The following PAK1IP1 variants were observed in gnomAD, a reference collection of about 807,000 sequenced individuals.
The protein encoded by PAK1IP1 is p21-activated protein kinase-interacting protein 1.
Under a neutral mutation model 42.0 loss-of-function variants are expected in PAK1IP1, and 24 were observed. That is an observed-to-expected ratio of 0.57 (90% CI 0.41 to 0.80). The LOEUF is 0.80. Ranked by LOEUF, PAK1IP1 falls within the 30% of genes least tolerant of loss-of-function variation. The pLI is 0.00. For synonymous variants in PAK1IP1, 154 were observed against 156.7 expected (o/e 0.98, Z 0.13); for missense variants, 411 against 467.9 (o/e 0.88, Z 1.12).
chr6:10,708,154 G>A (rs941437132), intron 8 of PAK1IP1, among the ~76,000 whole-genome samples: 1 of 148,982 alleles, frequency 6.7e-6, no homozygotes, highest in African/African-American at 2.5e-5. Context: ...ACACCAAAGA[G>A]AAGCTCCATA....
intron 7 of PAK1IP1, among the ~76,000 whole-genome samples, chr6:10,707,011 G>GT (rs1216315212): frequency 3.9e-5 from 6 of 152,194 alleles, no homozygotes; most frequent in African/African-American, 1.4e-4. Flanking sequence ...TAGACTAACA[G>GT]TGGTGGGACT....
chr6:10,695,512 T>G (rs985763502), intron 1 of PAK1IP1, among the ~76,000 whole-genome samples: 1 of 152,236 alleles, frequency 6.6e-6, no homozygotes, highest in Non-Finnish European at 1.5e-5. Context: ...TGGGAACTTA[T>G]GGCGAGCTGG....
At chr6:10,703,276 G>T in intron 4 of PAK1IP1, 129 bp from the exon 5 acceptor site, 1 of 641,322 alleles carries the variant, frequency 1.6e-6, no homozygotes, top group South Asian at 2.0e-5. Context: ...TTGCTGTAAG[G>T]AAGATAGCAG....
At chr6:10,694,746 C>T (rs1769723212), upstream of PAK1IP1, 2 of 427,716 alleles carry the variant, frequency 4.7e-6, no homozygotes, top group African/African-American at 4.1e-5. Flanking sequence ...TTTCTCCTTG[C>T]AGTGAGAACC....
chr6:10,705,414 G>A (rs1407863385), intron 7 of PAK1IP1, among the ~76,000 whole-genome samples: 1 of 152,176 alleles, frequency 6.6e-6, no homozygotes, highest in Non-Finnish European at 1.5e-5. Flanking sequence ...CTTGGAGCCT[G>A]AAATCAAGCA....
At chr6:10,694,614 G>GATC, upstream of PAK1IP1, 26 of 199,228 alleles carry the variant, frequency 1.3e-4, no homozygotes, top group South Asian at 4.4e-4. Context: ...CCGGCCGGAA[G>GATC]TCGGCCCCAC....
At position 10,707,520 on chromosome 6, in the gene PAK1IP1, T is replaced by A; in HGVS notation, c.840+6T>A. 1 of 1,510,342 alleles carries A rather than the reference T, an allele frequency of 6.6e-7. No individual in the cohort carries two copies. The highest frequency in any genetic ancestry group is 9.2e-7 in the Non-Finnish European group (1 of 1,085,272). 93.6% of individuals were successfully genotyped at this position (1,510,342 alleles called of 1,614,324 possible). A position where few individuals can be genotyped will look rare whatever the true frequency, so the allele number is the denominator to read the frequency against. ...GGAAGCTTAAGCAGGATAAGGTCAG[T>A]GCTTCAACACAATCTAAATGTACTT... On this transcript the variant is annotated splice_donor_region_variant and intron_variant, in intron 8 of 9. Coordinates refer to ENST00000379568, the MANE Select transcript of PAK1IP1 (RefSeq NM_017906.3).
chr6:10,700,077 G>C (rs1018143577), intron 2 of PAK1IP1, among the ~76,000 whole-genome samples: 6 of 151,660 alleles, frequency 4.0e-5, no homozygotes, highest in East Asian at 1.9e-4. Context: ...TGGCGGGGGC[G>C]GGGGGGCTTC....
Position 10,704,504 on chromosome 6 carries a change from C to G in PAK1IP1, c.497-3C>G. 6.5e-7 allele frequency: 1 copy of G among 1,542,260 alleles called. No individual in the cohort carries two copies. Among genetic ancestry groups the G allele is most frequent in the East Asian group, 2.3e-5 (1 of 44,204 alleles). On this transcript the variant is annotated splice_polypyrimidine_tract_variant and splice_region_variant and intron_variant, in intron 5 of 9. Transcript: ENST00000379568. ...AATAAACTTCGTTTTTTTCCACTTA[C>G]AGATGCTCACATAGTAGAATGGTCC...
chr6:10,702,846 G>T (rs796580679), intron 4 of PAK1IP1, among the ~76,000 whole-genome samples: 1 of 151,056 alleles, frequency 6.6e-6, no homozygotes, highest in African/African-American at 2.4e-5. Context: ...CTGCTCTGTC[G>T]CCCAGGCTGG....
upstream of PAK1IP1, among the ~76,000 whole-genome samples, chr6:10,690,950 C>A (rs968784093): frequency 1.3e-5 from 2 of 152,172 alleles, no homozygotes; most frequent in Non-Finnish European, 2.9e-5. Context: ...TGAAAATCCG[C>A]AATCTAAGAC....
At chr6:10,699,968 G>C (rs1046128676) in intron 2 of PAK1IP1, among the ~76,000 whole-genome samples, 1 of 152,064 alleles carries the variant, frequency 6.6e-6, no homozygotes, top group Non-Finnish European at 1.5e-5. Flanking sequence ...ATGGTAGAAG[G>C]GCAAAGCAGA....
At chr6:10,708,396 C>T (rs1248042087) in intron 8 of PAK1IP1, among the ~76,000 whole-genome samples, 1 of 151,966 alleles carries the variant, frequency 6.6e-6, no homozygotes, top group Non-Finnish European at 1.5e-5. Flanking sequence ...AATACTACGC[C>T]GTTGTGTGGA....
intron 7 of PAK1IP1, among the ~76,000 whole-genome samples, chr6:10,706,095 A>G (rs551411707): frequency 6.6e-6 from 1 of 152,312 alleles, no homozygotes; most frequent in South Asian, 2.1e-4. Flanking sequence ...AGGAGGCAAT[A>G]GATTATAAGC....
At chr6:10,705,649 G>C (rs1044909379) in intron 7 of PAK1IP1, among the ~76,000 whole-genome samples, 2 of 152,114 alleles carry the variant, frequency 1.3e-5, no homozygotes, top group African/African-American at 4.8e-5. Flanking sequence ...AAGTAGTTAA[G>C]TGGTTGGCCA....
chr6:10,709,593 TG>T lies in PAK1IP1; in HGVS notation c.*143del, dbSNP rs201686755. ...TATATATTAAAAAACCACTTTTAGA[TG>T]GTTTTTTTTAAAAAAAAAAAAAAAA... On this transcript the variant is annotated 3_prime_UTR_variant, in exon 10 of 10. Coordinates refer to ENST00000379568, the MANE Select transcript of PAK1IP1 (RefSeq NM_017906.3). 3,122 of 384,662 alleles carry T rather than the reference TG, an allele frequency of 8.1e-3. 51 individuals are homozygous for T. The highest frequency in any genetic ancestry group is 0.059 in the African/African-American group (1,868 of 31,628). The allele number at this position is 384,662 out of a possible 1,614,324, so 23.8% of individuals were successfully genotyped here. A position where few individuals can be genotyped will look rare whatever the true frequency, so the allele number is the denominator to read the frequency against.
At position 10,709,399 on chromosome 6, in the gene PAK1IP1, G is replaced by A. The variant is rs72821574; in HGVS notation, c.1126G>A (p.Val376Ile). ...GLISTKKRKMVEMLEKKRKKK... is the reference protein window; with the variant it reads ...GLISTKKRKMIEMLEKKRKKK... ...GATATCAACCAAGAAGAGGAAAATG[G>A]TAGAAATGTTGGAAAAGAAGAGGAA... Residue 376 changes from valine (V) to isoleucine (I), a missense_variant, in exon 10 of 10, where the codon GTA (valine) becomes ATA (isoleucine). Physicochemically the swap from Val to Ile is conservative, Grantham distance 29. Transcript: ENST00000379568. 0.013 allele frequency: 21,417 copies of A among 1,612,842 alleles called. 220 individuals carry two copies. Among genetic ancestry groups the A allele is most frequent in the Non-Finnish European group, 0.014 (16,418 of 1,179,468 alleles).
intron 1 of PAK1IP1, among the ~76,000 whole-genome samples, chr6:10,695,690 AATAGGTAG>A (rs1284481661): frequency 2.0e-5 from 3 of 152,228 alleles, no homozygotes; most frequent in Non-Finnish European, 4.4e-5. Flanking sequence ...TCAGTAGTCA[AATAGGTAG>A]ATAGGACTAT....
intron 7 of PAK1IP1, among the ~76,000 whole-genome samples, 195 bp from the exon 8 acceptor site, chr6:10,707,220 T>C (rs1164244457): frequency 6.6e-6 from 1 of 152,262 alleles, no homozygotes; most frequent in Non-Finnish European, 1.5e-5. Flanking sequence ...CAGTGGATTT[T>C]ATCTTGTTTT....
Sources: allele counts gnomAD v4.1 joint callset (sites outside exome capture counted in the v4.1 genomes callset), GRCh38; gene constraint gnomAD v4.1.1; transcripts MANE v1.5; gene names NCBI Gene and HGNC (gene_info 2026-07-23, HGNC 2026-07-21).